The following FAAH2 variants were observed in gnomAD, a reference collection of about 807,000 sequenced individuals.
FAAH2 encodes the protein fatty acid amide hydrolase 2, also known as fatty-acid amide hydrolase 2.
Under a neutral mutation model 36.9 loss-of-function variants are expected in FAAH2, and 60 were observed. The ratio of observed to expected loss-of-function variants is 1.63; its 90% CI spans 1.32 to 2.02. The LOEUF is 2.02. Ranked by LOEUF, FAAH2 falls within the 30% of genes most tolerant of loss-of-function variation. FAAH2 has a pLI of 0.00. For synonymous variants in FAAH2, 214 were observed against 143.8 expected (o/e 1.49, Z -3.49); for missense variants, 689 against 397.5 (o/e 1.73, Z -6.23).
chrX:57,275,938 C>T, the FAAH2 span, among the ~76,000 whole-genome samples: 64 of 111,361 alleles, frequency 5.7e-4, no homozygotes, highest in African/African-American at 2.0e-3. Context: ...CCTTAGATAC[C>T]TACAAAGAGA....
chrX:57,446,153 C>G (rs888086894), intron 8 of FAAH2, among the ~76,000 whole-genome samples: 5 of 112,452 alleles, frequency 4.4e-5, no homozygotes, highest in Admixed American at 9.4e-5. Context: ...ATCCTGTAAG[C>G]AAACAAATTG....
the FAAH2 span, among the ~76,000 whole-genome samples, chrX:57,161,394 A>G: frequency 9.0e-6 from 1 of 111,241 alleles, no homozygotes; most frequent in African/African-American, 3.3e-5. Context: ...TGCAGAGCTG[A>G]GTTCGGCTCC....
At chrX:57,263,430 T>A in the FAAH2 span, among the ~76,000 whole-genome samples, 533 of 111,478 alleles carry the variant, frequency 4.8e-3, 3 homozygotes, top group African/African-American at 0.016. Context: ...ACAATGCTGA[T>A]GAAATAAATC....
intron 2 of FAAH2, among the ~76,000 whole-genome samples, chrX:57,308,233 T>C (rs2052598334): frequency 1.8e-5 from 2 of 112,129 alleles, no homozygotes; most frequent in African/African-American, 6.5e-5. Context: ...CTTTCCACTA[T>C]GGCTGAACTA....
the FAAH2 span, among the ~76,000 whole-genome samples, chrX:57,234,711 G>A: frequency 4.5e-5 from 5 of 111,168 alleles, no homozygotes; most frequent in African/African-American, 1.3e-4. Context: ...GACAGGAGGC[G>A]GAACTCAGGA....
At chrX:57,407,711 G>A (rs1411431501) in intron 7 of FAAH2, among the ~76,000 whole-genome samples, 1 of 111,537 alleles carries the variant, frequency 9.0e-6, no homozygotes, top group Non-Finnish European at 1.9e-5. Context: ...AGCCTGGAAG[G>A]GGCTCGCATT....
intron 3 of FAAH2, among the ~76,000 whole-genome samples, chrX:57,316,730 A>T (rs1166619225): frequency 9.0e-6 from 1 of 111,514 alleles, no homozygotes. Flanking sequence ...AACTCAAAAT[A>T]GATAAATATT....
chrX:57,415,058 T>A (rs770662000), intron 7 of FAAH2, among the ~76,000 whole-genome samples: 1 of 110,459 alleles, frequency 9.1e-6, no homozygotes, highest in Non-Finnish European at 1.9e-5. Context: ...TGTATTTTTA[T>A]GGGATCAGTG....
the FAAH2 span, among the ~76,000 whole-genome samples, chrX:57,166,503 C>G: frequency 3.6e-5 from 4 of 111,940 alleles, no homozygotes; most frequent in Non-Finnish European, 5.6e-5. Context: ...ACTAGGGCAC[C>G]AAAGAAGTAA....
At chrX:57,178,628 C>T in the FAAH2 span, among the ~76,000 whole-genome samples, 1 of 111,827 alleles carries the variant, frequency 8.9e-6, no homozygotes, top group Non-Finnish European at 1.9e-5. Flanking sequence ...CAAGCAGCAG[C>T]TTCAATGGGA....
intron 2 of FAAH2, among the ~76,000 whole-genome samples, chrX:57,293,806 T>C (rs1319476521): frequency 9.0e-6 from 1 of 111,141 alleles, no homozygotes; most frequent in African/African-American, 3.3e-5. Flanking sequence ...ATAATGAGTT[T>C]GGGCTACTAC....
intron 10 of FAAH2, among the ~76,000 whole-genome samples, chrX:57,461,064 A>G (rs1163597175): frequency 9.0e-6 from 1 of 111,388 alleles, no homozygotes; most frequent in Non-Finnish European, 1.9e-5. Context: ...AGGGCATTAC[A>G]TAATGGTAAA....
chrX:57,255,610 G>A, the FAAH2 span, among the ~76,000 whole-genome samples: 29 of 111,857 alleles, frequency 2.6e-4, 1 homozygote, highest in Admixed American at 2.4e-3. Context: ...GGGATGCAAG[G>A]TTGGTCCAAC....
At chrX:57,195,100 G>A in the FAAH2 span, among the ~76,000 whole-genome samples, 56 of 111,047 alleles carry the variant, frequency 5.0e-4, 1 homozygote, top group African/African-American at 1.7e-3. Context: ...TTTCACTAAT[G>A]ACTTCTTTCT....
In FAAH2 at chrX:57,400,339, A is replaced by G. The variant is rs749292299; in HGVS notation, c.996+19310A>G. Among the ~76,000 whole-genome samples the G allele has an allele frequency of 3.6e-5, 4 of 112,350 alleles. No individual in the cohort carries two copies. The South Asian group carries it at 1.5e-3, about 42-fold the overall frequency. On this transcript the variant is annotated intron_variant, in intron 7 of 10. Coordinates refer to ENST00000374900, the MANE Select transcript of FAAH2 (RefSeq NM_174912.4). ...TAAATAATGAGGCCAACCCTTTGCC[A>G]CTACATCAATTTCCTTACTCAGGTA...
At chrX:57,485,166 C>A (rs913915635) in intron 10 of FAAH2, among the ~76,000 whole-genome samples, 7 of 112,177 alleles carry the variant, frequency 6.2e-5, no homozygotes, top group African/African-American at 2.3e-4. Flanking sequence ...GTTACACCCA[C>A]ACTTTCCTCC....
At chrX:57,273,860 C>A in the FAAH2 span, among the ~76,000 whole-genome samples, 1 of 111,176 alleles carries the variant, frequency 9.0e-6, no homozygotes, top group South Asian at 3.8e-4. Context: ...ACTAGAGAAG[C>A]AGAAGCAAAC....
At chrX:57,303,519 C>A (rs781528160) in intron 2 of FAAH2, among the ~76,000 whole-genome samples, 2 of 112,098 alleles carry the variant, frequency 1.8e-5, no homozygotes, top group African/African-American at 6.5e-5. Context: ...CTCTTCTGTG[C>A]TAGGTACTGT....
intron 10 of FAAH2, among the ~76,000 whole-genome samples, chrX:57,485,684 A>G (rs754108089): frequency 1.8e-5 from 2 of 111,941 alleles, no homozygotes; most frequent in African/African-American, 6.5e-5. Context: ...TACTTATAAC[A>G]TTCCTTAACT....
Sources: allele counts gnomAD v4.1 joint callset (sites outside exome capture counted in the v4.1 genomes callset), GRCh38; gene constraint gnomAD v4.1.1; transcripts MANE v1.5; gene names NCBI Gene and HGNC (gene_info 2026-07-23, HGNC 2026-07-21).